The following DPP10 variants were observed in gnomAD, a reference collection of about 807,000 sequenced individuals.
DPP10 encodes the protein inactive dipeptidyl peptidase 10.
A neutral mutation model predicts 120.9 loss-of-function variants in DPP10; 33 were observed. The ratio of observed to expected loss-of-function variants is 0.27; its 90% CI spans 0.21 to 0.37. The LOEUF is 0.37. DPP10 is among the 10% of genes least tolerant of loss of function. The probability of loss-of-function intolerance (pLI) is 1.00; values close to 1 mark genes in which losing one functional copy is unlikely to be tolerated. For missense variants in DPP10, 816 were observed against 942.8 expected (o/e 0.87, Z 1.76); for synonymous variants, 337 against 326.1 (o/e 1.03, Z -0.36).
At chr2:114,590,301 T>A (rs774370789) in intron 1 of DPP10, among the ~76,000 whole-genome samples, 10 of 152,096 alleles carry the variant, frequency 6.6e-5, no homozygotes, top group Non-Finnish European at 1.3e-4. Flanking sequence ...TGAATGATAG[T>A]TTATGTTTTT....
At chr2:115,480,044 A>G (rs1159614622) in intron 3 of DPP10, among the ~76,000 whole-genome samples, 3 of 152,154 alleles carry the variant, frequency 2.0e-5, no homozygotes, top group Admixed American at 6.6e-5. Flanking sequence ...TGGGTGCTGC[A>G]GGCCATAACC....
At chr2:115,065,227 T>C (rs1051860998) in intron 1 of DPP10, among the ~76,000 whole-genome samples, 9 of 152,310 alleles carry the variant, frequency 5.9e-5, no homozygotes, top group African/African-American at 1.9e-4. Context: ...AGTCTATCCA[T>C]TTCTCAATTC....
At chr2:114,666,794 T>C (rs1396875876) in intron 1 of DPP10, among the ~76,000 whole-genome samples, 1 of 152,208 alleles carries the variant, frequency 6.6e-6, no homozygotes, top group East Asian at 1.9e-4. Context: ...CTAGGAATGA[T>C]GACCTGGTCT....
chr2:115,482,985 A>C (rs1476425051), intron 3 of DPP10, among the ~76,000 whole-genome samples: 1 of 152,106 alleles, frequency 6.6e-6, no homozygotes. Context: ...TAAATACCAA[A>C]TATATACTCA....
At chr2:115,376,576 G>C (rs1414380966) in intron 3 of DPP10, among the ~76,000 whole-genome samples, 6 of 149,038 alleles carry the variant, frequency 4.0e-5, no homozygotes, top group African/African-American at 7.4e-5. Context: ...TATACTTTAA[G>C]TTTTAGGGTA....
chr2:115,751,345 G>A (rs999782810), intron 10 of DPP10, among the ~76,000 whole-genome samples: 2 of 152,156 alleles, frequency 1.3e-5, no homozygotes, highest in African/African-American at 4.8e-5. Flanking sequence ...AAAGTGAACA[G>A]GACACTGTTC....
At chr2:114,503,927 T>C (rs781198965) in intron 1 of DPP10, among the ~76,000 whole-genome samples, 3 of 152,224 alleles carry the variant, frequency 2.0e-5, no homozygotes, top group Admixed American at 1.3e-4. Context: ...TTGTATATTT[T>C]AGAATGCCTA....
At chr2:115,331,615 G>C (rs1349329410) in intron 2 of DPP10, among the ~76,000 whole-genome samples, 1 of 152,160 alleles carries the variant, frequency 6.6e-6, no homozygotes, top group African/African-American at 2.4e-5. Flanking sequence ...CGAATTTATT[G>C]AGAGTTTTTA....
Position 114,497,886 on chromosome 2 carries a change from G to A in DPP10, c.60+55048G>A, listed in dbSNP as rs575325484. ...GGGAGGGCAGGTATGAACATCCAGAGCGACTTTGATTCTAGGGAGATGCTC... is the reference window on the plus strand; with the variant it reads ...GGGAGGGCAGGTATGAACATCCAGAACGACTTTGATTCTAGGGAGATGCTC... On this transcript the variant is annotated intron_variant, in intron 1 of 25. Coordinates refer to ENST00000410059, the MANE Select transcript of DPP10 (RefSeq NM_020868.6). 2.1e-4 allele frequency among the ~76,000 whole-genome samples: 32 copies of A among 152,298 alleles called. No homozygotes were observed. In the South Asian group the frequency reaches 6.2e-3, roughly 30 times the overall value.
chr2:115,289,846 C>T (rs921893159), intron 1 of DPP10, among the ~76,000 whole-genome samples: 1 of 151,936 alleles, frequency 6.6e-6, no homozygotes, highest in Non-Finnish European at 1.5e-5. Context: ...TCACATTAAC[C>T]CAAGATGGAT....
At chr2:114,992,380 C>A (rs1048175269) in intron 1 of DPP10, among the ~76,000 whole-genome samples, 3 of 152,128 alleles carry the variant, frequency 2.0e-5, no homozygotes, top group African/African-American at 7.2e-5. Context: ...AGCTGTTGAG[C>A]CTAAAATTCA....
At chr2:115,428,373 C>G (rs1047363911) in intron 3 of DPP10, among the ~76,000 whole-genome samples, 6 of 152,046 alleles carry the variant, frequency 3.9e-5, no homozygotes, top group Non-Finnish European at 8.8e-5. Context: ...TTAGAAATAC[C>G]TTAGACCGAG....
intron 1 of DPP10, among the ~76,000 whole-genome samples, chr2:115,023,622 G>A (rs1192853659): frequency 6.6e-6 from 1 of 151,778 alleles, no homozygotes; most frequent in Non-Finnish European, 1.5e-5. Context: ...TCTGCTGTTC[G>A]ATCCAGTAAT....
At chr2:115,532,201 G>A (rs752810497) in intron 5 of DPP10, among the ~76,000 whole-genome samples, 9 of 151,930 alleles carry the variant, frequency 5.9e-5, no homozygotes, top group Admixed American at 4.6e-4. Flanking sequence ...TGCATCTGCC[G>A]TGGAAGTGTG....
chr2:115,407,164 C>T (rs2068575111), intron 3 of DPP10, among the ~76,000 whole-genome samples: 1 of 152,164 alleles, frequency 6.6e-6, no homozygotes, highest in African/African-American at 2.4e-5. Context: ...GAGCCTCTAC[C>T]CTGTCTCTGC....
At chr2:114,847,264 G>A (rs1004175018) in intron 1 of DPP10, among the ~76,000 whole-genome samples, 11 of 151,928 alleles carry the variant, frequency 7.2e-5, no homozygotes, top group East Asian at 1.9e-4. Flanking sequence ...CACCTGTTTC[G>A]TCTACCTCCC....
At chr2:114,463,377 C>T (rs1456557762) in intron 1 of DPP10, 1 of 152,082 alleles carries the variant, frequency 6.6e-6, no homozygotes, top group Admixed American at 6.6e-5. Context: ...GGTTCATTTA[C>T]TTACTTTTTC....
chr2:115,660,786 G>T (rs2088894923), intron 5 of DPP10, among the ~76,000 whole-genome samples: 1 of 149,588 alleles, frequency 6.7e-6, no homozygotes, highest in South Asian at 2.1e-4. Flanking sequence ...ATAACAAAGT[G>T]TAACTTAAAA....
chr2:115,064,698 A>T, intron 1 of DPP10: 2 of 1,301,416 alleles, frequency 1.5e-6, no homozygotes, highest in Non-Finnish European at 2.0e-6. Context: ...ACTGACATTG[A>T]AGTAAGATTC....
Sources: gnomAD v4.1 joint callset for allele counts (sites outside exome capture counted in the v4.1 genomes callset) on GRCh38, gnomAD v4.1.1 for gene constraint, MANE v1.5 for transcripts, NCBI Gene and HGNC (gene_info 2026-07-23, HGNC 2026-07-21) for gene names.